BABAM2: variants seen among roughly 807,000 people sequenced by gnomAD.
BABAM2 encodes the protein BRISC and BRCA1-A complex member 2.
Under a neutral mutation model 54.7 loss-of-function variants are expected in BABAM2, and 31 were observed. That is an observed-to-expected ratio of 0.57 (90% CI 0.43 to 0.77). The LOEUF (loss-of-function observed/expected upper bound fraction) is 0.77. BABAM2 is among the 30% of genes least tolerant of loss of function. The probability of loss-of-function intolerance (pLI) is 0.00; values close to 1 mark genes in which losing one functional copy is unlikely to be tolerated. For missense variants in BABAM2, 364 were observed against 455.8 expected (o/e 0.80, Z 1.83); for synonymous variants, 167 against 162.9 (o/e 1.03, Z -0.19).
At chr2:28,164,335 G>A (rs1459977627) in intron 7 of BABAM2, among the ~76,000 whole-genome samples, 1 of 152,070 alleles carries the variant, frequency 6.6e-6, no homozygotes. Context: ...AGTTAGAGGA[G>A]TGCGTCCTGG....
intron 7 of BABAM2, among the ~76,000 whole-genome samples, chr2:28,230,122 T>G (rs1455812655): frequency 6.6e-6 from 1 of 152,158 alleles, no homozygotes; most frequent in South Asian, 2.1e-4. Flanking sequence ...TTAGTAGAAA[T>G]ATTAGATTAG....
intron 11 of BABAM2, among the ~76,000 whole-genome samples, chr2:28,337,977 G>T (rs1163476448): frequency 6.6e-6 from 1 of 152,152 alleles, no homozygotes; most frequent in Non-Finnish European, 1.5e-5. Context: ...ACAGAGTGAG[G>T]TCCTGTCTCT....
intron 6 of BABAM2, among the ~76,000 whole-genome samples, chr2:28,051,541 G>A (rs192216692): frequency 6.6e-6 from 1 of 152,228 alleles, no homozygotes; most frequent in Admixed American, 6.5e-5. Context: ...TTTTGAAGGA[G>A]GAAATTTTGC....
At chr2:27,943,036 C>A (rs990860451) in intron 3 of BABAM2, among the ~76,000 whole-genome samples, 9 of 152,066 alleles carry the variant, frequency 5.9e-5, no homozygotes, top group Admixed American at 3.3e-4. Context: ...AGCTATCCTT[C>A]CACTGTGGCC....
At chr2:28,177,007 A>ATCTT (rs1324814854) in intron 7 of BABAM2, among the ~76,000 whole-genome samples, 1 of 152,178 alleles carries the variant, frequency 6.6e-6, no homozygotes, top group Non-Finnish European at 1.5e-5. Context: ...AATAGCTGAA[A>ATCTT]TCTTTCTAAG....
At chr2:28,312,952 A>G (rs1572398267) in intron 11 of BABAM2, among the ~76,000 whole-genome samples, 1 of 152,286 alleles carries the variant, frequency 6.6e-6, no homozygotes. Context: ...GCCCCTGATT[A>G]CTGGTCCAAA....
At chr2:28,129,671 C>T (rs1281471960) in intron 7 of BABAM2, among the ~76,000 whole-genome samples, 3 of 152,136 alleles carry the variant, frequency 2.0e-5, no homozygotes, top group African/African-American at 7.2e-5. Flanking sequence ...TCCAGATGTT[C>T]CCTGGAGTTC....
At chr2:27,986,280 A>G (rs775618595) in intron 3 of BABAM2, among the ~76,000 whole-genome samples, 17 of 152,136 alleles carry the variant, frequency 1.1e-4, no homozygotes, top group Non-Finnish European at 1.8e-4. Flanking sequence ...GAGGGCAGCT[A>G]GTATTAGGAG....
intron 7 of BABAM2, among the ~76,000 whole-genome samples, chr2:28,131,453 G>A (rs963949247): frequency 6.6e-6 from 1 of 152,124 alleles, no homozygotes; most frequent in Non-Finnish European, 1.5e-5. Flanking sequence ...GTAGAATGAC[G>A]TGGCATAAGG....
intron 7 of BABAM2, among the ~76,000 whole-genome samples, chr2:28,162,200 C>T (rs1673167352): frequency 6.6e-6 from 1 of 152,044 alleles, no homozygotes; most frequent in South Asian, 2.1e-4. Flanking sequence ...GGTGTTTAGG[C>T]CCACGTAAAG....
At chr2:28,007,371 G>A (rs1217653540) in intron 4 of BABAM2, among the ~76,000 whole-genome samples, 1 of 152,012 alleles carries the variant, frequency 6.6e-6, no homozygotes, top group Non-Finnish European at 1.5e-5. Flanking sequence ...TGTGACATGT[G>A]CAGCCATTAC....
chr2:28,337,388 G>T (rs1188486873), intron 11 of BABAM2, among the ~76,000 whole-genome samples: 1 of 152,192 alleles, frequency 6.6e-6, no homozygotes, highest in Non-Finnish European at 1.5e-5. Flanking sequence ...CCATGTGTCC[G>T]TCTCCTCCAC....
At chr2:28,077,234 T>C (rs186365618) in intron 6 of BABAM2, among the ~76,000 whole-genome samples, 22 of 152,352 alleles carry the variant, frequency 1.4e-4, no homozygotes, top group African/African-American at 5.1e-4. Context: ...CCTGCTATAT[T>C]TGAATATCTT....
At chr2:27,891,520 C>T (rs561254390) in intron 1 of BABAM2, among the ~76,000 whole-genome samples, 123 of 152,096 alleles carry the variant, frequency 8.1e-4, no homozygotes, top group African/African-American at 2.9e-3. Context: ...TAGTAGTATT[C>T]AGGGGACTCT....
intron 1 of BABAM2, chr2:27,891,177 C>T (rs1344811817): frequency 1.3e-5 from 2 of 152,182 alleles, no homozygotes; most frequent in Non-Finnish European, 2.9e-5. Context: ...GGTCATTCTT[C>T]GGGTCTGAGC....
chr2:28,252,704 T>C (rs1683609931), intron 10 of BABAM2, among the ~76,000 whole-genome samples: 1 of 152,244 alleles, frequency 6.6e-6, no homozygotes, highest in African/African-American at 2.4e-5. Context: ...AGGATTTCTT[T>C]TAAGGAAGAA....
At chr2:28,242,180 G>A (rs941121540) in intron 9 of BABAM2, among the ~76,000 whole-genome samples, 4 of 152,132 alleles carry the variant, frequency 2.6e-5, no homozygotes, top group African/African-American at 9.7e-5. Flanking sequence ...CAGCACTCAG[G>A]TCTCCTGCTA....
intron 11 of BABAM2, among the ~76,000 whole-genome samples, chr2:28,319,312 T>C (rs1333832914): frequency 6.6e-6 from 1 of 152,214 alleles, no homozygotes; most frequent in Non-Finnish European, 1.5e-5. Context: ...CAGAGTTAGC[T>C]TTAGGTAAAG....
intron 3 of BABAM2, among the ~76,000 whole-genome samples, chr2:27,972,646 A>C (rs1671298932): frequency 6.6e-6 from 1 of 152,310 alleles, no homozygotes; most frequent in East Asian, 1.9e-4. Context: ...TTATATTTAA[A>C]AATATAAAAT....
Sources: gnomAD v4.1 joint callset for allele counts (sites outside exome capture counted in the v4.1 genomes callset) on GRCh38, gnomAD v4.1.1 for gene constraint, MANE v1.5 for transcripts, NCBI Gene and HGNC (gene_info 2026-07-23, HGNC 2026-07-21) for gene names.